Variants in SEMA4G observed in about 807,000 individuals in gnomAD.
SEMA4G encodes semaphorin-4G.
SEMA4G carries 59 observed loss-of-function variants against 81.2 expected under a neutral mutation model. The observed-to-expected ratio is 0.73, with a 90% CI of 0.59 to 0.90. SEMA4G has a LOEUF of 0.90. SEMA4G is among the 40% of genes least tolerant of loss of function. SEMA4G has a pLI of 0.00. For missense variants in SEMA4G, 952 were observed against 1,102.3 expected (o/e 0.86, Z 1.93); for synonymous variants, 404 against 433.9 (o/e 0.93, Z 0.86).
chr10:100,984,194 C>T, exon 14 of SEMA4G: 3 of 1,536,696 alleles, frequency 2.0e-6, no homozygotes, highest in Non-Finnish European at 2.6e-6. Flanking sequence ...TGGGCCACTG[C>T]CTCCCTAACA....
At chr10:100,975,106 T>A in intron 3 of SEMA4G, 1 of 511,566 alleles carries the variant, frequency 2.0e-6, no homozygotes. Context: ...GGGAGGCAGA[T>A]GGAACCAGGT....
upstream of SEMA4G, among the ~76,000 whole-genome samples, chr10:100,971,312 C>T (rs1589977311): frequency 6.6e-6 from 1 of 152,344 alleles, no homozygotes; most frequent in Middle Eastern, 3.4e-3. Flanking sequence ...CAAAGGTAAA[C>T]AGGTGTGCCT....
chr10:100,978,424 T>A, intron 5 of SEMA4G, 36 bp downstream of exon 6: 1 of 1,605,048 alleles, frequency 6.2e-7, no homozygotes, highest in African/African-American at 1.3e-5. Context: ...AGACATGGTA[T>A]TTTTAGGATG....
exon 7 of SEMA4G, chr10:100,978,879 G>A (rs371666695): frequency 4.5e-5 from 73 of 1,614,018 alleles, no homozygotes; most frequent in African/African-American, 4.1e-4. Flanking sequence ...GTCCTCGTGC[G>A]GGAGAGCAAG....
chr10:100,982,277 G>A lies in SEMA4G; in HGVS notation c.1691-1028G>A, dbSNP rs561428729. Among the ~76,000 whole-genome samples the A allele has an allele frequency of 2.0e-5, 3 of 152,158 alleles. No homozygotes were observed. The East Asian group carries it at 5.8e-4, about 29-fold the overall frequency. ...ACAGGAGAATAGGCTGGACAAGTGG[G>A]CAAAGGCCATGTTGAAGATTTTGGT... On this transcript the variant is annotated intron_variant, in intron 13 of 13. Transcript: ENST00000370250.
Position 100,972,785 on chromosome 10 carries a change from G to T in SEMA4G, c.-128G>T. The T allele has an allele frequency of 1.0e-6, 1 of 958,116 alleles. No homozygotes were observed. The highest frequency in any genetic ancestry group is 2.4e-5 in the East Asian group (1 of 40,926). The allele number at this position is 958,116 out of a possible 1,614,324, so 59.4% of individuals were successfully genotyped here. On this transcript the variant is annotated 5_prime_UTR_variant, in exon 1 of 14. It removes an upstream start codon present in the reference 5' UTR. Coordinates refer to ENST00000370250, the Ensembl canonical transcript of SEMA4G. ...GATTCCTTGACTCCTATGACCTTAT[G>T]ACCCCTGACCTTCCAAGTGACTTCC...
exon 4 of SEMA4G, chr10:100,977,695 G>A (rs751439655): frequency 7.4e-6 from 12 of 1,614,072 alleles, no homozygotes; most frequent in Non-Finnish European, 8.5e-6. Context: ...CTATGCATGT[G>A]GGACTCACGC....
chr10:100,971,768 G>A (rs1850639738), upstream of SEMA4G, among the ~76,000 whole-genome samples: 1 of 152,140 alleles, frequency 6.6e-6, no homozygotes, highest in African/African-American at 2.4e-5. Context: ...CTTGAGGGAG[G>A]GTCCAAGATG....
At position 100,981,429 on chromosome 10, in the gene SEMA4G, T is replaced by C. The variant is rs949654554; in HGVS notation, c.1690+200T>C. 3 of 1,613,884 alleles carry C rather than the reference T, an allele frequency of 1.9e-6. No homozygotes were observed. The African/African-American group carries it at 4.0e-5, about 22-fold the overall frequency. ...AATGAATTATAAACTAGGAAACATA[T>C]TTAAGATGTGAAGTGTCTTGTCACT... On this transcript the variant is annotated intron_variant, in intron 13 of 13. Coordinates refer to ENST00000370250, the Ensembl canonical transcript of SEMA4G.
At chr10:100,977,991 C>T in intron 4 of SEMA4G, 1 of 572,154 alleles carries the variant, frequency 1.7e-6, no homozygotes, top group South Asian at 2.1e-5. Context: ...TAACCCAAAA[C>T]AAAGGGCCTT....
intron 8 of SEMA4G, 111 bp downstream of exon 9, chr10:100,979,382 G>A: frequency 6.3e-7 from 1 of 1,590,658 alleles, no homozygotes; most frequent in Non-Finnish European, 8.6e-7. Flanking sequence ...GCTGCAAAGT[G>A]AGAATTTTTT....
At chr10:100,969,792 C>T (rs1012709363), upstream of SEMA4G, 1 of 443,660 alleles carries the variant, frequency 2.3e-6, no homozygotes, top group Non-Finnish European at 4.6e-6. Context: ...AAACCGGCCA[C>T]CACGGAGTCG....
upstream of SEMA4G, among the ~76,000 whole-genome samples, chr10:100,970,369 G>C (rs1850596261): frequency 1.3e-5 from 2 of 151,940 alleles, no homozygotes; most frequent in Admixed American, 1.3e-4. Context: ...CCCACCTTTA[G>C]AACCGCAATA....
chr10:100,972,890 T>C, exon 1 of SEMA4G: 1 of 1,589,084 alleles, frequency 6.3e-7, no homozygotes, highest in East Asian at 2.2e-5. Flanking sequence ...GGGGGTCTTG[T>C]TAGTCTGGGC....
In SEMA4G at chr10:100,981,229, GGTAA is replaced by G; in HGVS notation, c.1690+3_1690+6del. On this transcript the variant is annotated splice_donor_variant and splice_donor_region_variant and intron_variant, in intron 13 of 13. Coordinates refer to ENST00000370250, the Ensembl canonical transcript of SEMA4G. LOFTEE classifies it high-confidence loss of function. ...AGGCTGTGAGAGCAGCAGGGATACA[GGTAA>G]GTGACTCATATGAGTGTGGGTCTAG... The G allele has an allele frequency of 6.2e-7, 1 of 1,614,150 alleles. No individual in the cohort carries two copies. Among genetic ancestry groups the G allele is most frequent in the African/African-American group, 1.3e-5 (1 of 75,062 alleles).
At chr10:100,974,071 C>T (rs1304910316) in intron 3 of SEMA4G, among the ~76,000 whole-genome samples, 5 of 152,064 alleles carry the variant, frequency 3.3e-5, no homozygotes, top group African/African-American at 7.2e-5. Flanking sequence ...CCATTGCCCC[C>T]GGCATCTGGG....
intron 8 of SEMA4G, chr10:100,979,522 A>G: frequency 9.9e-7 from 1 of 1,009,896 alleles, no homozygotes; most frequent in Non-Finnish European, 1.4e-6. Context: ...AGCTGGGACT[A>G]TAGGCGTGTG....
chr10:100,976,078 C>G (rs735137), intron 3 of SEMA4G, among the ~76,000 whole-genome samples: 42,372 of 151,576 alleles, frequency 0.28, 6,836 homozygotes, highest in East Asian at 0.54. Context: ...CTTATGGAGA[C>G]GGGGGACAGA....
chr10:100,979,456 C>T, intron 8 of SEMA4G, 185 bp downstream of exon 9: 1 of 1,453,090 alleles, frequency 6.9e-7, no homozygotes, highest in Non-Finnish European at 9.2e-7. Flanking sequence ...GATCTCGGCT[C>T]ACTGCAATCT....
Sources: allele counts gnomAD v4.1 joint callset (sites outside exome capture counted in the v4.1 genomes callset), GRCh38; gene constraint gnomAD v4.1.1; transcripts MANE v1.5; gene names NCBI Gene and HGNC (gene_info 2026-07-23, HGNC 2026-07-21).